MARK2: variants seen among roughly 807,000 people sequenced by gnomAD.
MARK2 encodes serine/threonine-protein kinase MARK2.
Under a neutral mutation model 89.8 loss-of-function variants are expected in MARK2, and 16 were observed. That is an observed-to-expected ratio of 0.18 (90% CI 0.12 to 0.27). MARK2 has a LOEUF of 0.27. Ranked by LOEUF, MARK2 falls within the 10% of genes least tolerant of loss-of-function variation. MARK2 has a pLI of 1.00. For synonymous variants in MARK2, 382 were observed against 399.5 expected (o/e 0.96, Z 0.52); for missense variants, 621 against 1,049.9 (o/e 0.59, Z 5.65).
In MARK2 at chr11:63,842,758, A is replaced by G. The variant is rs192696830; in HGVS notation, c.54+3198A>G. 6.6e-5 allele frequency among the ~76,000 whole-genome samples: 10 copies of G among 152,204 alleles called. No individual in the cohort carries two copies. In the East Asian group the frequency reaches 1.9e-3, roughly 29 times the overall value. ...TCCCCTAAAGGTCCTCTGTCACCTT[A>G]TTTAAATTTAAAACTGGTTTTACCA... On this transcript the variant is annotated intron_variant, in intron 1 of 18. Coordinates refer to ENST00000402010, the MANE Select transcript of MARK2 (RefSeq NM_001039469.3).
intron 1 of MARK2, among the ~76,000 whole-genome samples, chr11:63,877,212 G>T (rs1459432624): frequency 6.7e-6 from 1 of 149,760 alleles, no homozygotes; most frequent in African/African-American, 2.5e-5. Flanking sequence ...CCAGGCACAG[G>T]TGATCCTCCC....
intron 1 of MARK2, among the ~76,000 whole-genome samples, chr11:63,883,559 G>T (rs1939226287): frequency 6.6e-6 from 1 of 152,048 alleles, no homozygotes; most frequent in South Asian, 2.1e-4. Flanking sequence ...CACGTTCTAT[G>T]GTAAACACTG....
At chr11:63,877,094 CAG>C (rs1300796800) in intron 1 of MARK2, among the ~76,000 whole-genome samples, 2 of 142,348 alleles carry the variant, frequency 1.4e-5, no homozygotes, top group East Asian at 4.6e-4. Flanking sequence ...CCAGTTCAAT[CAG>C]ACTCTTTTTT....
chr11:63,872,397 G>A (rs956751482), intron 1 of MARK2, among the ~76,000 whole-genome samples: 1 of 152,148 alleles, frequency 6.6e-6, no homozygotes, highest in Non-Finnish European at 1.5e-5. Context: ...CAGGGTCCAG[G>A]TCACAGCCGG....
At chr11:63,862,139 G>A (rs1937840923) in intron 1 of MARK2, among the ~76,000 whole-genome samples, 2 of 151,278 alleles carry the variant, frequency 1.3e-5, no homozygotes, top group Non-Finnish European at 2.9e-5. Flanking sequence ...TGGCCAGGCT[G>A]GTCTCAAACT....
chr11:63,848,745 T>A (rs947745707), intron 1 of MARK2, among the ~76,000 whole-genome samples: 14 of 151,394 alleles, frequency 9.2e-5, no homozygotes, highest in Admixed American at 3.9e-4. Flanking sequence ...TTTTTTAAAG[T>A]AGAGATGAGG....
chr11:63,904,115 C>CACGGAGAGT lies in MARK2; in HGVS notation c.1646_1654dup (p.Thr549_Ser551dup). On this transcript the variant is annotated inframe_insertion, in exon 15 of 19. Coordinates refer to ENST00000402010, the MANE Select transcript of MARK2 (RefSeq NM_001039469.3). This position sits in a 1 kb window ranked among gnomAD's most constrained non-coding sequence, Gnocchi z 6.3. ...CCAACAAGGCCTCTGGGCTGCCCCC[C>CACGGAGAGT]ACGGAGAGTAACTGTGAGGTGCCGC... 2 of 1,597,898 alleles carry CACGGAGAGT rather than the reference C, an allele frequency of 1.3e-6. No homozygotes were observed. The highest frequency in any genetic ancestry group is 1.7e-6 in the Non-Finnish European group (2 of 1,176,614).
At chr11:63,852,653 G>A (rs2016628403) in intron 1 of MARK2, among the ~76,000 whole-genome samples, 1 of 150,110 alleles carries the variant, frequency 6.7e-6, no homozygotes, top group Non-Finnish European at 1.5e-5. Context: ...AAGAATCTGG[G>A]CAGAACTGTA....
At chr11:63,908,773 C>A in intron 18 of MARK2, 104 bp from the exon 19 acceptor site, 1 of 1,215,502 alleles carries the variant, frequency 8.2e-7, no homozygotes, top group Non-Finnish European at 1.1e-6. Context: ...GCTCCTGCTC[C>A]CTCCCGCTCT....
intron 1 of MARK2, among the ~76,000 whole-genome samples, chr11:63,856,933 G>A (rs922648124): frequency 6.6e-6 from 1 of 150,722 alleles, no homozygotes; most frequent in African/African-American, 2.4e-5. Flanking sequence ...TCAGCCTCCC[G>A]AGTAGCTGGG....
intron 1 of MARK2, among the ~76,000 whole-genome samples, chr11:63,840,874 A>G (rs1486039662): frequency 6.6e-6 from 1 of 152,110 alleles, no homozygotes; most frequent in Non-Finnish European, 1.5e-5. Context: ...AGTCACTGCT[A>G]TGTTTTTCAC....
chr11:63,844,538 G>C (rs1181431656), intron 1 of MARK2, among the ~76,000 whole-genome samples: 1 of 152,192 alleles, frequency 6.6e-6, no homozygotes, highest in Non-Finnish European at 1.5e-5. Flanking sequence ...TAGCTAAACA[G>C]ATGGATATAA....
At chr11:63,847,882 G>C in intron 1 of MARK2, among the ~76,000 whole-genome samples, 1 of 152,226 alleles carries the variant, frequency 6.6e-6, no homozygotes, top group African/African-American at 2.4e-5. Context: ...TCTGGGAGGG[G>C]ATCAGGACTC....
At chr11:63,908,611 GTC>G in intron 18 of MARK2, among the ~76,000 whole-genome samples, 1 of 152,312 alleles carries the variant, frequency 6.6e-6, no homozygotes, top group East Asian at 1.9e-4. Flanking sequence ...TGGAGAGAGA[GTC>G]TGTGCTCGTG....
Position 63,909,612 on chromosome 11 carries a change from T to G in MARK2, c.*375T>G. ...AAAAAAAAAATCCCAGCGGCCACCTTTCCTCCCTGCCCCATTGGGACAGTC... is the reference window on the plus strand; with the variant it reads ...AAAAAAAAAATCCCAGCGGCCACCTGTCCTCCCTGCCCCATTGGGACAGTC... On this transcript the variant is annotated 3_prime_UTR_variant, in exon 19 of 19. Coordinates refer to ENST00000402010, the MANE Select transcript of MARK2 (RefSeq NM_001039469.3). 2 of 161,666 alleles carry G rather than the reference T, an allele frequency of 1.2e-5. No individual in the cohort carries two copies. Among genetic ancestry groups the G allele is most frequent in the Non-Finnish European group, 2.7e-5 (2 of 74,082 alleles). The allele number at this position is 161,666 out of a possible 1,614,324, so 10.0% of individuals were successfully genotyped here. A position where few individuals can be genotyped will look rare whatever the true frequency, so the allele number is the denominator to read the frequency against.
chr11:63,902,790 G>A lies in MARK2; in HGVS notation c.1416+8G>A, dbSNP rs377154776. ...ACCCCAACCCCCTCCACGGTGAGCC[G>A]CACCCCCCGCTCTCTCCTTCCTTCC... On this transcript the variant is annotated splice_region_variant and intron_variant, in intron 13 of 18. Coordinates refer to ENST00000402010, the MANE Select transcript of MARK2 (RefSeq NM_001039469.3). This position sits in a 1 kb window ranked among gnomAD's most constrained non-coding sequence, Gnocchi z 4.2. The A allele has an allele frequency of 3.3e-5, 53 of 1,602,164 alleles. No homozygotes were observed. Among genetic ancestry groups the A allele is most frequent in the Middle Eastern group, 4.0e-4 (2 of 4,994 alleles).
chr11:63,846,669 T>C (rs1413054317), intron 1 of MARK2, among the ~76,000 whole-genome samples: 3 of 150,366 alleles, frequency 2.0e-5, no homozygotes, highest in Non-Finnish European at 4.4e-5. Flanking sequence ...TTTTTTTTTT[T>C]TTTTGAGACG....
chr11:63,895,081 T>A, intron 1 of MARK2, 78 bp from the exon 2 acceptor site: 1 of 1,238,340 alleles, frequency 8.1e-7, no homozygotes, highest in Non-Finnish European at 1.1e-6. Context: ...TGCACCCTCA[T>A]CCCTTATATA....
intron 1 of MARK2, among the ~76,000 whole-genome samples, chr11:63,857,130 A>G (rs975540719): frequency 6.8e-6 from 1 of 147,472 alleles, no homozygotes; most frequent in Non-Finnish European, 1.5e-5. Context: ...CAGTTTTTAT[A>G]CTCATTTCCT....
Sources: gnomAD v4.1 joint callset for allele counts (sites outside exome capture counted in the v4.1 genomes callset) on GRCh38, gnomAD v4.1.1 for gene constraint, Gnocchi (gnomAD v3.1) non-coding constraint, MANE v1.5 for transcripts, NCBI Gene and HGNC (gene_info 2026-07-23, HGNC 2026-07-21) for gene names.